The following MYO5B variants were observed in gnomAD, a reference collection of about 807,000 sequenced individuals.
MYO5B encodes unconventional myosin-Vb.
MYO5B carries 143 observed loss-of-function variants against 229.3 expected under a neutral mutation model. The ratio of observed to expected loss-of-function variants is 0.62; its 90% CI spans 0.54 to 0.72. The LOEUF is 0.72. Among genes scored for constraint, MYO5B ranks in the 30% least tolerant of loss-of-function variants. The pLI is 0.00. For missense variants in MYO5B, 2,321 were observed against 2,331.0 expected (o/e 1.00, Z 0.09); for synonymous variants, 918 against 885.2 (o/e 1.04, Z -0.66).
chr18:49,876,134 C>A (rs1015328142), intron 25 of MYO5B: 3 of 396,832 alleles, frequency 7.6e-6, no homozygotes, highest in Admixed American at 3.7e-5. Context: ...CAGGCACTTT[C>A]TTTGGAAGTT....
At chr18:49,898,381 T>C (rs769007699) in intron 21 of MYO5B, among the ~76,000 whole-genome samples, 10 of 152,254 alleles carry the variant, frequency 6.6e-5, no homozygotes, top group Non-Finnish European at 1.2e-4. Context: ...GATAACCTTA[T>C]ATTCATAAGT....
chr18:50,108,757 T>C (rs2031809253), intron 1 of MYO5B, among the ~76,000 whole-genome samples: 1 of 152,020 alleles, frequency 6.6e-6, no homozygotes, highest in Non-Finnish European at 1.5e-5. Context: ...CAGTAAAAAA[T>C]ATGTAGTAAC....
At chr18:49,835,224 C>T (rs147840664) in intron 39 of MYO5B, 120 bp downstream of exon 39, 11,481 of 741,202 alleles carry the variant, frequency 0.015, 116 homozygotes, top group Non-Finnish European at 0.02. Context: ...AATGTAAGGT[C>T]TCCCAGCATA....
At chr18:50,058,841 A>G (rs11872643) in intron 1 of MYO5B, among the ~76,000 whole-genome samples, 4,227 of 152,218 alleles carry the variant, frequency 0.028, 195 homozygotes, top group African/African-American at 0.097. Flanking sequence ...TAAAATGTTT[A>G]CTATCTGATC....
At chr18:49,908,718 T>C (rs965800157) in intron 18 of MYO5B, among the ~76,000 whole-genome samples, 5 of 152,244 alleles carry the variant, frequency 3.3e-5, no homozygotes, top group East Asian at 1.9e-4. Flanking sequence ...TCTACAGTTA[T>C]GGCCATCGTT....
chr18:49,881,311 G>A (rs1394612151), intron 22 of MYO5B, among the ~76,000 whole-genome samples: 1 of 151,956 alleles, frequency 6.6e-6, no homozygotes, highest in Non-Finnish European at 1.5e-5. Context: ...TGCTTTACCT[G>A]TCTTATTGGA....
chr18:50,150,598 C>G (rs2032582849), intron 1 of MYO5B, among the ~76,000 whole-genome samples: 1 of 151,968 alleles, frequency 6.6e-6, no homozygotes, highest in African/African-American at 2.4e-5. Context: ...AAACCAAACA[C>G]CGCATATTCT....
At chr18:50,074,826 TTTTG>T (rs1337630320) in intron 1 of MYO5B, among the ~76,000 whole-genome samples, 1 of 152,036 alleles carries the variant, frequency 6.6e-6, no homozygotes, top group Non-Finnish European at 1.5e-5. Context: ...TTGGGGGTTT[TTTTG>T]TTTGTTTTGA....
intron 1 of MYO5B, chr18:50,063,848 T>A (rs2030751945): frequency 6.6e-6 from 1 of 152,276 alleles, no homozygotes; most frequent in South Asian, 2.1e-4. Context: ...TAATAAGGAA[T>A]CGAGTCTCCA....
intron 12 of MYO5B, among the ~76,000 whole-genome samples, chr18:49,954,706 G>A (rs958238796): frequency 6.6e-6 from 1 of 152,154 alleles, no homozygotes; most frequent in Non-Finnish European, 1.5e-5. Flanking sequence ...TGCTAGGGAG[G>A]ATGAGGGTGA....
intron 1 of MYO5B, among the ~76,000 whole-genome samples, chr18:50,114,787 T>C (rs904659769): frequency 3.3e-5 from 5 of 152,130 alleles, no homozygotes; most frequent in Non-Finnish European, 5.9e-5. Context: ...AGACCAGTAA[T>C]GCTGGTGTTA....
intron 1 of MYO5B, among the ~76,000 whole-genome samples, chr18:50,079,221 T>C (rs1351830992): frequency 1.3e-5 from 2 of 152,248 alleles, no homozygotes; most frequent in East Asian, 3.8e-4. Flanking sequence ...ATATAAATCT[T>C]ACTTCAATAA....
At chr18:50,190,191 A>C (rs958890811) in intron 1 of MYO5B, among the ~76,000 whole-genome samples, 1 of 152,224 alleles carries the variant, frequency 6.6e-6, no homozygotes, top group East Asian at 1.9e-4. Context: ...TCTTCTATAG[A>C]TAAGAGTTGT....
intron 14 of MYO5B, among the ~76,000 whole-genome samples, chr18:49,952,200 C>G (rs2025437794): frequency 6.6e-6 from 1 of 152,114 alleles, no homozygotes; most frequent in African/African-American, 2.4e-5. Flanking sequence ...TTTCTCCATT[C>G]TATCATCTCA....
intron 1 of MYO5B, among the ~76,000 whole-genome samples, chr18:50,149,800 A>G (rs2144301063): frequency 6.6e-6 from 1 of 152,284 alleles, no homozygotes; most frequent in African/African-American, 2.4e-5. Context: ...CTAAAACACC[A>G]AAAGCAATGG....
chr18:49,960,640 C>A (rs1379098603), intron 12 of MYO5B, among the ~76,000 whole-genome samples: 1 of 152,162 alleles, frequency 6.6e-6, no homozygotes, highest in Non-Finnish European at 1.5e-5. Context: ...AACAATTAAA[C>A]CTGTTACAAA....
chr18:50,178,213 G>A (rs1483379608), intron 1 of MYO5B, among the ~76,000 whole-genome samples: 2 of 152,106 alleles, frequency 1.3e-5, no homozygotes, highest in South Asian at 2.1e-4. Context: ...AAATCAGAGC[G>A]TTAAAAGCTT....
chr18:49,926,483 G>T (rs915485457), intron 17 of MYO5B, among the ~76,000 whole-genome samples: 6 of 152,200 alleles, frequency 3.9e-5, no homozygotes, highest in African/African-American at 1.2e-4. Context: ...AGTGGGACAG[G>T]CTCTGGGCTG....
At chr18:50,155,581 C>A (rs2032665909) in intron 1 of MYO5B, among the ~76,000 whole-genome samples, 1 of 152,180 alleles carries the variant, frequency 6.6e-6, no homozygotes, top group East Asian at 1.9e-4. Flanking sequence ...TCAATTTAGT[C>A]AGAGAAGAGT....
Sources: gnomAD v4.1 joint callset for allele counts (sites outside exome capture counted in the v4.1 genomes callset) on GRCh38, gnomAD v4.1.1 for gene constraint, MANE v1.5 for transcripts, NCBI Gene and HGNC (gene_info 2026-07-23, HGNC 2026-07-21) for gene names.